WDR49: variants seen among roughly 807,000 people sequenced by gnomAD.
The protein encoded by WDR49 is WD repeat domain 49, also known as cilia- and flagella-associated protein 337.
Under a neutral mutation model 119.5 loss-of-function variants are expected in WDR49, and 107 were observed. The observed-to-expected ratio is 0.90, with a 90% CI of 0.77 to 1.05. WDR49 has a LOEUF of 1.05. Among genes scored for constraint, WDR49 ranks in the 50% least tolerant of loss-of-function variants. The pLI, the probability that WDR49 is intolerant of heterozygous loss-of-function variation, is 0.00. For missense variants in WDR49, 1,240 were observed against 1,220.5 expected (o/e 1.02, Z -0.24); for synonymous variants, 425 against 418.8 (o/e 1.01, Z -0.18).
intron 7 of WDR49, among the ~76,000 whole-genome samples, chr3:167,591,874 T>A (rs184415912): frequency 4.2e-4 from 64 of 152,182 alleles, no homozygotes; most frequent in African/African-American, 1.5e-3. Context: ...GATTGGAGAG[T>A]TTAGTCCATT....
intron 16 of WDR49, among the ~76,000 whole-genome samples, chr3:167,511,332 A>G (rs1751961900): frequency 6.6e-6 from 1 of 152,230 alleles, no homozygotes; most frequent in Non-Finnish European, 1.5e-5. Flanking sequence ...AAAGATCACA[A>G]GTACTTTTTG....
rs547940639 is a variant in WDR49 at position 167,497,534 on chromosome 3, A to G, written c.3031+2619T>C. On this transcript the variant is annotated intron_variant, in intron 18 of 18. Transcript: ENST00000682715. ...CTTTGCCCACACTTTTTCCCTGCCC[A>G]TATGAAGAATTCATCTGTGGCTTCC... Among the ~76,000 whole-genome samples the G allele has an allele frequency of 3.3e-5, 5 of 152,260 alleles. No individual in the cohort carries two copies. The South Asian group carries it at 1.0e-3, about 32-fold the overall frequency.
chr3:167,507,167 G>T (rs931363626), intron 16 of WDR49, among the ~76,000 whole-genome samples: 7 of 151,954 alleles, frequency 4.6e-5, no homozygotes, highest in South Asian at 2.1e-4. Flanking sequence ...AAGAGGGGAT[G>T]GGGGGGTAGT....
intron 8 of WDR49, among the ~76,000 whole-genome samples, chr3:167,571,107 T>A (rs1438572949): frequency 6.6e-6 from 1 of 152,062 alleles, no homozygotes; most frequent in African/African-American, 2.4e-5. Context: ...ACTCTATGGC[T>A]GTGACCTGGA....
At chr3:167,521,044 T>A (rs950221359) in intron 16 of WDR49, among the ~76,000 whole-genome samples, 5 of 152,052 alleles carry the variant, frequency 3.3e-5, no homozygotes, top group Admixed American at 3.3e-4. Flanking sequence ...CACTAACACC[T>A]GAAGAAGTCT....
chr3:167,584,143 A>C (rs1390861354), intron 7 of WDR49, among the ~76,000 whole-genome samples: 1 of 152,202 alleles, frequency 6.6e-6, no homozygotes, highest in African/African-American at 2.4e-5. Context: ...AAGTTAGTTG[A>C]AATTAAAACC....
chr3:167,563,281 G>A (rs1429146166), intron 8 of WDR49, among the ~76,000 whole-genome samples: 1 of 150,386 alleles, frequency 6.6e-6, no homozygotes, highest in Non-Finnish European at 1.5e-5. Context: ...GTGAACCCGG[G>A]AGGCGGAGCT....
At chr3:167,518,700 T>C (rs1341730837) in intron 16 of WDR49, among the ~76,000 whole-genome samples, 2 of 151,698 alleles carry the variant, frequency 1.3e-5, no homozygotes, top group African/African-American at 4.8e-5. Flanking sequence ...TTCACTCTGA[T>C]GGTAGTTTCT....
At chr3:167,500,820 A>G (rs867762761) in intron 17 of WDR49, among the ~76,000 whole-genome samples, 2 of 152,236 alleles carry the variant, frequency 1.3e-5, no homozygotes, top group Non-Finnish European at 2.9e-5. Context: ...TCTTGAACAA[A>G]GTAAAAGATA....
rs183560876 is a variant in WDR49, at chr3:167,585,000, C to T, written c.1276-8849G>A. ...TGTTATATGCATTGCAAATATTTTG[C>T]CTCTTTAGAGCACACATTTTTAAAT... is the stretch of plus-strand genomic sequence containing the variant. On this transcript the variant is annotated intron_variant, in intron 7 of 18. Coordinates refer to ENST00000682715, the MANE Select transcript of WDR49 (RefSeq NM_001366157.1). 1.8e-4 allele frequency among the ~76,000 whole-genome samples: 28 copies of T among 151,732 alleles called. No homozygotes were observed. The East Asian group carries it at 5.2e-3, about 28-fold the overall frequency.
intron 2 of WDR49, among the ~76,000 whole-genome samples, chr3:167,645,106 T>C (rs897469152): frequency 5.3e-5 from 8 of 152,152 alleles, no homozygotes; most frequent in African/African-American, 1.7e-4. Flanking sequence ...CAGGGGAGTA[T>C]AATGACTGAG....
At chr3:167,535,491 G>A (rs1260477127) in intron 11 of WDR49, among the ~76,000 whole-genome samples, 1 of 152,098 alleles carries the variant, frequency 6.6e-6, no homozygotes, top group Non-Finnish European at 1.5e-5. Context: ...ACGAAAAAAT[G>A]TTCAACATCA....
At chr3:167,607,054 G>A (rs1240633150) in intron 5 of WDR49, among the ~76,000 whole-genome samples, 2 of 152,302 alleles carry the variant, frequency 1.3e-5, no homozygotes, top group African/African-American at 4.8e-5. Context: ...AACCCAGCAA[G>A]TCTTGTCTGC....
intron 18 of WDR49, among the ~76,000 whole-genome samples, chr3:167,490,018 C>A (rs1751071323): frequency 6.6e-6 from 1 of 152,052 alleles, no homozygotes; most frequent in Admixed American, 6.6e-5. Flanking sequence ...CCTGGTGATG[C>A]CCATGCTGCT....
intron 8 of WDR49, among the ~76,000 whole-genome samples, chr3:167,570,138 C>G (rs769112844): frequency 1.3e-5 from 2 of 150,950 alleles, no homozygotes; most frequent in African/African-American, 2.4e-5. Context: ...ACTGTATTAA[C>G]AGAATGGATG....
chr3:167,571,024 CAA>C (rs202109133), intron 8 of WDR49, among the ~76,000 whole-genome samples: 109 of 84,322 alleles, frequency 1.3e-3, no homozygotes, highest in African/African-American at 2.9e-3. Flanking sequence ...GACTCCATCT[CAA>C]AAAAAAAAAA....
chr3:167,636,525 G>A (rs1001937993), intron 2 of WDR49, among the ~76,000 whole-genome samples: 2 of 151,628 alleles, frequency 1.3e-5, no homozygotes, highest in Non-Finnish European at 3.0e-5. Context: ...GGGATTGCTG[G>A]ATCAAATGCT....
intron 18 of WDR49, among the ~76,000 whole-genome samples, chr3:167,498,239 G>C (rs1239114683): frequency 6.6e-6 from 1 of 152,192 alleles, no homozygotes; most frequent in African/African-American, 2.4e-5. Context: ...GAGCTGTAGA[G>C]AAGTTTAAAC....
chr3:167,607,657 G>A (rs1216442794), intron 5 of WDR49, among the ~76,000 whole-genome samples: 14 of 152,194 alleles, frequency 9.2e-5, no homozygotes, highest in Middle Eastern at 3.4e-3. Context: ...TATTGCCTCC[G>A]TCTTTTTTAC....
Sources: allele counts gnomAD v4.1 joint callset (sites outside exome capture counted in the v4.1 genomes callset), GRCh38; gene constraint gnomAD v4.1.1; transcripts MANE v1.5; gene names NCBI Gene and HGNC (gene_info 2026-07-23, HGNC 2026-07-21).